Variants in VEGFC observed in about 807,000 individuals in gnomAD.
VEGFC encodes the protein vascular endothelial growth factor C, also known as FLT4 ligand DHM.
VEGFC carries 12 observed loss-of-function variants against 46.1 expected under a neutral mutation model. The ratio of observed to expected loss-of-function variants is 0.26; its 90% confidence interval spans 0.17 to 0.42. VEGFC has a LOEUF of 0.42. Among genes scored for constraint, VEGFC ranks in the 10% least tolerant of loss-of-function variants. The probability of loss-of-function intolerance (pLI) is 1.00; values close to 1 mark genes in which losing one functional copy is unlikely to be tolerated. For synonymous variants in VEGFC, 232 were observed against 195.5 expected (o/e 1.19, Z -1.56); for missense variants, 488 against 529.4 (o/e 0.92, Z 0.77).
At chr4:176,759,509 G>A (rs912738894) in intron 1 of VEGFC, among the ~76,000 whole-genome samples, 1 of 152,062 alleles carries the variant, frequency 6.6e-6, no homozygotes, top group Non-Finnish European at 1.5e-5. Context: ...ACAGGGTACA[G>A]TTTCAATTAG....
chr4:176,769,357 GT>G (rs2110924382), intron 1 of VEGFC, among the ~76,000 whole-genome samples: 1 of 152,196 alleles, frequency 6.6e-6, no homozygotes, highest in South Asian at 2.1e-4. Context: ...AATAAACTTT[GT>G]TTCATTGTGC....
intron 3 of VEGFC, among the ~76,000 whole-genome samples, chr4:176,720,025 C>CTCCA (rs1324035439): frequency 1.2e-3 from 184 of 151,910 alleles, no homozygotes; most frequent in African/African-American, 4.2e-3. Flanking sequence ...CACCATTGCA[C>CTCCA]TCCAGCCTGG....
intron 1 of VEGFC, among the ~76,000 whole-genome samples, chr4:176,784,333 G>A (rs1735964622): frequency 6.6e-6 from 1 of 151,886 alleles, no homozygotes; most frequent in African/African-American, 2.4e-5. Flanking sequence ...GACTCCCAAA[G>A]TGCTGGGATT....
At chr4:176,715,822 T>C (rs1295006918) in intron 3 of VEGFC, among the ~76,000 whole-genome samples, 2 of 152,096 alleles carry the variant, frequency 1.3e-5, no homozygotes, top group Admixed American at 1.3e-4. Context: ...CATGGCGCCC[T>C]CCCAAAATAA....
At chr4:176,749,683 T>G (rs920535906) in intron 1 of VEGFC, among the ~76,000 whole-genome samples, 12 of 151,786 alleles carry the variant, frequency 7.9e-5, no homozygotes, top group Non-Finnish European at 1.0e-4. Flanking sequence ...AAATAAAATC[T>G]TAGAAAGTGG....
chr4:176,729,326 C>G (rs1349214336), intron 2 of VEGFC, among the ~76,000 whole-genome samples: 1 of 152,114 alleles, frequency 6.6e-6, no homozygotes, highest in Non-Finnish European at 1.5e-5. Flanking sequence ...ATGCATGGAC[C>G]TATCTATCCT....
intron 1 of VEGFC, among the ~76,000 whole-genome samples, chr4:176,787,820 T>C (rs1736028798): frequency 6.6e-6 from 1 of 152,196 alleles, no homozygotes; most frequent in Non-Finnish European, 1.5e-5. Flanking sequence ...AATTACACTA[T>C]AACTCAAACT....
intron 4 of VEGFC, among the ~76,000 whole-genome samples, chr4:176,697,370 A>C (rs1734337435): frequency 6.6e-6 from 1 of 152,156 alleles, no homozygotes; most frequent in Non-Finnish European, 1.5e-5. Context: ...TGCAGCCAAA[A>C]AACACATGAA....
intron 1 of VEGFC, among the ~76,000 whole-genome samples, chr4:176,734,041 C>T (rs951812617): frequency 3.3e-5 from 5 of 151,668 alleles, no homozygotes; most frequent in Non-Finnish European, 7.4e-5. Flanking sequence ...GAGTTGACAG[C>T]AATATTAAAT....
intron 4 of VEGFC, among the ~76,000 whole-genome samples, chr4:176,693,841 G>T (rs1734256527): frequency 6.7e-6 from 1 of 148,532 alleles, no homozygotes; most frequent in African/African-American, 2.6e-5. Flanking sequence ...TTAAAGAAAA[G>T]AATTTTCAAC....
chr4:176,759,671 C>A (rs1179429555), intron 1 of VEGFC, among the ~76,000 whole-genome samples: 1 of 152,046 alleles, frequency 6.6e-6, no homozygotes, highest in East Asian at 1.9e-4. Context: ...CCACAATGTA[C>A]TTCAATCAAA....
At chr4:176,761,110 T>G (rs1735523299) in intron 1 of VEGFC, among the ~76,000 whole-genome samples, 1 of 152,210 alleles carries the variant, frequency 6.6e-6, no homozygotes, top group South Asian at 2.1e-4. Context: ...TAAAAAAGTA[T>G]ATGATTATAG....
intron 1 of VEGFC, among the ~76,000 whole-genome samples, chr4:176,757,927 T>C (rs1272562215): frequency 6.6e-6 from 1 of 152,070 alleles, no homozygotes; most frequent in African/African-American, 2.4e-5. Flanking sequence ...ATATACTGCC[T>C]TTGACTTAAT....
intron 1 of VEGFC, among the ~76,000 whole-genome samples, chr4:176,785,369 TGTAA>T (rs1735983908): frequency 6.6e-6 from 1 of 152,230 alleles, no homozygotes; most frequent in Non-Finnish European, 1.5e-5. Context: ...CTTTTAAACT[TGTAA>T]GTATTACCTT....
At chr4:176,740,398 A>C (rs1219416634) in intron 1 of VEGFC, among the ~76,000 whole-genome samples, 3 of 115,552 alleles carry the variant, frequency 2.6e-5, no homozygotes, top group African/African-American at 3.4e-5. Context: ...CTATATATTT[A>C]TATATAGTTA....
At chr4:176,731,935 G>A (rs1157258192) in intron 1 of VEGFC, among the ~76,000 whole-genome samples, 2 of 151,478 alleles carry the variant, frequency 1.3e-5, no homozygotes, top group African/African-American at 4.8e-5. Flanking sequence ...AGATCAGCTG[G>A]AGAAAAACAT....
intron 1 of VEGFC, among the ~76,000 whole-genome samples, chr4:176,755,739 A>G (rs2110901772): frequency 6.6e-6 from 1 of 152,228 alleles, no homozygotes; most frequent in South Asian, 2.1e-4. Context: ...TTGTATTCAT[A>G]TCACTATGAA....
intron 1 of VEGFC, among the ~76,000 whole-genome samples, chr4:176,747,056 T>C (rs543208575): frequency 1.6e-4 from 25 of 152,292 alleles, no homozygotes; most frequent in African/African-American, 5.0e-4. Context: ...TAGTATGCTT[T>C]TGCTTCATGT....
intron 6 of VEGFC, among the ~76,000 whole-genome samples, chr4:176,684,537 C>CTT (rs1734003454): frequency 6.6e-6 from 1 of 152,110 alleles, no homozygotes; most frequent in South Asian, 2.1e-4. Flanking sequence ...GGCTGCATGA[C>CTT]GGTGACTAAC....
Sources: allele counts gnomAD v4.1 joint callset (sites outside exome capture counted in the v4.1 genomes callset), GRCh38; gene constraint gnomAD v4.1.1; transcripts MANE v1.5; gene names NCBI Gene and HGNC (gene_info 2026-07-23, HGNC 2026-07-21).